The following TBC1D5 variants were observed in gnomAD, a reference collection of about 807,000 sequenced individuals.
The protein encoded by TBC1D5 is TBC1 domain family member 5, also known as TBC1 domain family, member 5.
Under a neutral mutation model 100.3 loss-of-function variants are expected in TBC1D5, and 75 were observed. The ratio of observed to expected loss-of-function variants is 0.75; its 90% CI spans 0.62 to 0.91. The LOEUF (loss-of-function observed/expected upper bound fraction) is 0.91, where lower values mean the gene tolerates loss of function less well. Among genes scored for constraint, TBC1D5 ranks in the 40% least tolerant of loss-of-function variants. TBC1D5 has a pLI of 0.00. For missense variants in TBC1D5, 910 were observed against 942.4 expected (o/e 0.97, Z 0.45); for synonymous variants, 323 against 325.6 (o/e 0.99, Z 0.09).
At chr3:17,161,007 T>G (rs1200824514) in exon 22 of TBC1D5, 4 of 1,614,108 alleles carry the variant, frequency 2.5e-6, no homozygotes, top group Non-Finnish European at 3.4e-6. Context: ...GAGTCCTTGC[T>G]GCTGTCGTCA....
chr3:17,356,374 C>G (rs1328141578), intron 13 of TBC1D5, among the ~76,000 whole-genome samples: 1 of 152,116 alleles, frequency 6.6e-6, no homozygotes, highest in Non-Finnish European at 1.5e-5. Flanking sequence ...CAAGTTCTTT[C>G]TACTGGGTCT....
chr3:17,245,329 A>G (rs2076648775), intron 16 of TBC1D5, among the ~76,000 whole-genome samples: 1 of 152,210 alleles, frequency 6.6e-6, no homozygotes, highest in Non-Finnish European at 1.5e-5. Context: ...TTTGCTTGCC[A>G]TACTGTAAGG....
At chr3:17,439,032 T>C (rs2094588223) in intron 3 of TBC1D5, among the ~76,000 whole-genome samples, 1 of 152,126 alleles carries the variant, frequency 6.6e-6, no homozygotes, top group African/African-American at 2.4e-5. Context: ...CTATAGAATA[T>C]TTATATTTAT....
chr3:17,542,514 A>C (rs1400023300), intron 2 of TBC1D5, among the ~76,000 whole-genome samples: 7 of 152,204 alleles, frequency 4.6e-5, no homozygotes, highest in Non-Finnish European at 8.8e-5. Context: ...CCCAGCCAAA[A>C]TATCTTATCA....
chr3:17,392,763 T>C (rs2093390680), intron 8 of TBC1D5, among the ~76,000 whole-genome samples: 1 of 152,124 alleles, frequency 6.6e-6, no homozygotes, highest in Non-Finnish European at 1.5e-5. Flanking sequence ...CTAGTCTATC[T>C]TTGATGGGCA....
At chr3:17,596,335 T>TC (rs1477653446) in intron 2 of TBC1D5, among the ~76,000 whole-genome samples, 2 of 144,278 alleles carry the variant, frequency 1.4e-5, no homozygotes, top group African/African-American at 5.0e-5. Context: ...TTTTTTTTTT[T>TC]CCGGAGACAC....
chr3:17,599,214 C>T (rs9310524), intron 2 of TBC1D5, among the ~76,000 whole-genome samples: 78,035 of 151,894 alleles, frequency 0.51, 21,918 homozygotes, highest in African/African-American at 0.72. Flanking sequence ...ACCACAGCCC[C>T]AAATGAAAAG....
intron 15 of TBC1D5, among the ~76,000 whole-genome samples, chr3:17,264,978 G>C (rs2078702039): frequency 6.6e-6 from 1 of 152,180 alleles, no homozygotes; most frequent in Non-Finnish European, 1.5e-5. Flanking sequence ...ATTTAGGATA[G>C]ATTTTGACAG....
intron 3 of TBC1D5, among the ~76,000 whole-genome samples, chr3:17,452,426 C>T (rs1271159374): frequency 6.6e-6 from 1 of 152,030 alleles, no homozygotes; most frequent in Non-Finnish European, 1.5e-5. Context: ...GATCTATTGC[C>T]TACAAGAAAC....
intron 3 of TBC1D5, among the ~76,000 whole-genome samples, chr3:17,431,435 A>G (rs1204554495): frequency 1.3e-5 from 2 of 152,012 alleles, no homozygotes; most frequent in African/African-American, 4.8e-5. Flanking sequence ...TATCTAATGT[A>G]AAGTAACCAG....
rs563099284 is a variant in TBC1D5, at chr3:17,694,742, G to C, written c.-101+44601C>G. On this transcript the variant is annotated intron_variant, in intron 1 of 21. Transcript: ENST00000253692. ...CCAACATTCAAATTCAGGAAATACA[G>C]AGAACACCATAAAGATACTCCTCAA... Among the ~76,000 whole-genome samples, 8 of 152,246 alleles carry C rather than the reference G, an allele frequency of 5.3e-5. No individual in the cohort carries two copies. In the East Asian group the frequency reaches 1.5e-3, roughly 29 times the overall value.
chr3:17,421,862 C>T (rs1316036162), intron 4 of TBC1D5, among the ~76,000 whole-genome samples: 1 of 152,056 alleles, frequency 6.6e-6, no homozygotes, highest in Non-Finnish European at 1.5e-5. Flanking sequence ...TGTATTTATT[C>T]TTAAGAACAT....
At chr3:17,281,220 A>G (rs747208364) in intron 15 of TBC1D5, among the ~76,000 whole-genome samples, 6 of 152,252 alleles carry the variant, frequency 3.9e-5, no homozygotes, top group Non-Finnish European at 7.3e-5. Flanking sequence ...TGCTACTGAT[A>G]CATAGTAGGA....
At chr3:17,342,722 C>T (rs2151439766) in intron 13 of TBC1D5, among the ~76,000 whole-genome samples, 1 of 152,148 alleles carries the variant, frequency 6.6e-6, no homozygotes, top group South Asian at 2.1e-4. Context: ...TTGGATTATG[C>T]TTTTCCAATT....
At chr3:17,170,511 T>C (rs1386529150) in intron 19 of TBC1D5, among the ~76,000 whole-genome samples, 1 of 152,182 alleles carries the variant, frequency 6.6e-6, no homozygotes, top group Non-Finnish European at 1.5e-5. Context: ...CTTTGTCTCC[T>C]GCTTGCCTCT....
intron 1 of TBC1D5, among the ~76,000 whole-genome samples, chr3:17,697,635 G>A (rs1455108440): frequency 1.3e-5 from 2 of 152,184 alleles, no homozygotes; most frequent in Non-Finnish European, 2.9e-5. Flanking sequence ...AACATCCCAC[G>A]CTCACGGATA....
chr3:17,415,279 C>T, intron 4 of TBC1D5, among the ~76,000 whole-genome samples: 1 of 152,050 alleles, frequency 6.6e-6, no homozygotes, highest in Non-Finnish European at 1.5e-5. Context: ...GCCTCAGCCT[C>T]CCCAGGTAGC....
chr3:17,409,773 T>C (rs2093872593), intron 4 of TBC1D5, among the ~76,000 whole-genome samples: 1 of 152,144 alleles, frequency 6.6e-6, no homozygotes, highest in Non-Finnish European at 1.5e-5. Context: ...CTCTCTTCAA[T>C]TCTGTGAAAG....
At chr3:17,269,314 C>A (rs2079142912) in intron 15 of TBC1D5, among the ~76,000 whole-genome samples, 1 of 152,080 alleles carries the variant, frequency 6.6e-6, no homozygotes, top group South Asian at 2.1e-4. Flanking sequence ...TCTGAAGAGC[C>A]TACTCTTTCT....
Sources: gnomAD v4.1 joint callset for allele counts (sites outside exome capture counted in the v4.1 genomes callset) on GRCh38, gnomAD v4.1.1 for gene constraint, MANE v1.5 for transcripts, NCBI Gene and HGNC (gene_info 2026-07-23, HGNC 2026-07-21) for gene names.